AGAP1: variants seen among roughly 807,000 people sequenced by gnomAD.
AGAP1 encodes arf-GAP with GTPase, ANK repeat and PH domain-containing protein 1.
AGAP1 carries 29 observed loss-of-function variants against 105.3 expected under a neutral mutation model. The ratio of observed to expected loss-of-function variants is 0.28; its 90% confidence interval spans 0.21 to 0.38. The LOEUF is 0.38. Among genes scored for constraint, AGAP1 ranks in the 10% least tolerant of loss-of-function variants. The pLI is 1.00. For synonymous variants in AGAP1, 509 were observed against 485.9 expected (o/e 1.05, Z -0.63); for missense variants, 998 against 1,165.1 (o/e 0.86, Z 2.09).
At chr2:235,767,346 C>G (rs1450900507) in intron 6 of AGAP1, among the ~76,000 whole-genome samples, 1 of 152,214 alleles carries the variant, frequency 6.6e-6, no homozygotes, top group Non-Finnish European at 1.5e-5. Flanking sequence ...AGCCTTGAAT[C>G]GGGAGGCAGG....
chr2:235,520,004 A>G (rs1202740971), intron 1 of AGAP1, among the ~76,000 whole-genome samples: 1 of 152,094 alleles, frequency 6.6e-6, no homozygotes, highest in Non-Finnish European at 1.5e-5. Flanking sequence ...CTGGTTTCGA[A>G]CTACTGACCT....
intron 1 of AGAP1, among the ~76,000 whole-genome samples, chr2:235,565,984 A>G (rs1944333622): frequency 6.6e-6 from 1 of 152,230 alleles, no homozygotes; most frequent in Admixed American, 6.5e-5. Context: ...TTCATACAGA[A>G]AAGTGGAAAT....
At position 235,789,148 on chromosome 2, in the gene AGAP1, A is replaced by G. The variant is rs907274378; in HGVS notation, c.674-8611A>G. ...TACTTTATACCAGAATTGGATACAC[A>G]TATTAAAAATGTCAAATACACCATA... On this transcript the variant is annotated intron_variant, in intron 6 of 17. Coordinates refer to ENST00000304032, the MANE Select transcript of AGAP1 (RefSeq NM_001037131.3). The surrounding 1 kb of genome is among the most constrained non-coding windows in gnomAD (Gnocchi z 4.2). Among the ~76,000 whole-genome samples the G allele has an allele frequency of 1.3e-5, 2 of 152,234 alleles. No individual in the cohort carries two copies. The highest frequency in any genetic ancestry group is 4.8e-5 in the African/African-American group (2 of 41,456).
At position 236,038,549 on chromosome 2, in the gene AGAP1, G is replaced by A. The variant is rs180862004; in HGVS notation, c.1800+1834G>A. Among the ~76,000 whole-genome samples, 9 of 152,182 alleles carry A rather than the reference G, an allele frequency of 5.9e-5. No individual in the cohort carries two copies. The highest frequency in any genetic ancestry group is 3.8e-4 in the East Asian group (2 of 5,196). On this transcript the variant is annotated intron_variant, in intron 14 of 17. Transcript: ENST00000304032. The surrounding 1 kb of genome is among the most constrained non-coding windows in gnomAD (Gnocchi z 4.5). Reference sequence around the variant, plus strand: ...GGAATTGCTCCCTTGGGAGGAGGACGCGTTGAGCAACCAAAGGTGGCCGAC... The same window carrying A: ...GGAATTGCTCCCTTGGGAGGAGGACACGTTGAGCAACCAAAGGTGGCCGAC...
At position 235,596,187 on chromosome 2, in the gene AGAP1, A is replaced by G. The variant is rs1945520070; in HGVS notation, c.163+101338A>G. Among the ~76,000 whole-genome samples the G allele has an allele frequency of 6.6e-6, 1 of 152,232 alleles. No homozygotes were observed. The highest frequency in any genetic ancestry group is 2.4e-5 in the African/African-American group (1 of 41,472). Reference sequence around the variant, plus strand: ...TGGCACAGCTATCCATGAACACTGTAAACATTCCCAGCTCCATCTAAGGTG... The same window carrying G: ...TGGCACAGCTATCCATGAACACTGTGAACATTCCCAGCTCCATCTAAGGTG... On this transcript the variant is annotated intron_variant, in intron 1 of 17. Coordinates refer to ENST00000304032, the MANE Select transcript of AGAP1 (RefSeq NM_001037131.3). This position sits in a 1 kb window ranked among gnomAD's most constrained non-coding sequence, Gnocchi z 5.9.
intron 1 of AGAP1, among the ~76,000 whole-genome samples, chr2:235,704,962 CTTTTTTCTTTTT>C (rs1479718483): frequency 0.047 from 4,008 of 85,736 alleles, 720 homozygotes; most frequent in African/African-American, 0.16. Flanking sequence ...ATACAAGATG[CTTTTTTCTTTTT>C]TTTTTTTTTT....
At position 236,004,753 on chromosome 2, in the gene AGAP1, T is replaced by G. The variant is rs140688532; in HGVS notation, c.1646-31808T>G. Reference sequence around the variant, plus strand: ...CAGTTGGGGCAGCCTTTCGAGTTGTTAAGCAGTTTAGTAGCAAATGTGACA... The same window carrying G: ...CAGTTGGGGCAGCCTTTCGAGTTGTGAAGCAGTTTAGTAGCAAATGTGACA... On this transcript the variant is annotated intron_variant, in intron 13 of 17. Transcript: ENST00000304032. Among the ~76,000 whole-genome samples, 1,170 of 152,352 alleles carry G rather than the reference T, an allele frequency of 7.7e-3. 7 individuals carry two copies. Among genetic ancestry groups the G allele is most frequent in the South Asian group, 0.02 (95 of 4,828 alleles).
intron 9 of AGAP1, among the ~76,000 whole-genome samples, chr2:235,812,651 C>T (rs1026490074): frequency 3.3e-5 from 5 of 152,218 alleles, no homozygotes; most frequent in Admixed American, 1.3e-4. Context: ...GTGAAGACCA[C>T]GCTGAAACTT....
Position 236,014,659 on chromosome 2 carries a change from A to G in AGAP1, c.1646-21902A>G. 2.9e-6 allele frequency: 1 copy of G among 341,848 alleles called. No individual in the cohort carries two copies. The allele number at this position is 341,848 out of a possible 1,614,324, so 21.2% of individuals were successfully genotyped here. On this transcript the variant is annotated intron_variant, in intron 13 of 17. Coordinates refer to ENST00000304032, the MANE Select transcript of AGAP1 (RefSeq NM_001037131.3). This position sits in a 1 kb window ranked among gnomAD's most constrained non-coding sequence, Gnocchi z 6.3. Reference sequence around the variant, plus strand: ...TGGAGGGCTCAGCCCAGGGAGCTCCATGGCACCCACCCGCTTCGCGCAGAC... The same window carrying G: ...TGGAGGGCTCAGCCCAGGGAGCTCCGTGGCACCCACCCGCTTCGCGCAGAC...
intron 9 of AGAP1, among the ~76,000 whole-genome samples, chr2:235,863,782 C>T (rs563433393): frequency 3.2e-4 from 49 of 152,170 alleles, no homozygotes; most frequent in African/African-American, 1.2e-3. Flanking sequence ...CTGTGGGACA[C>T]CAGGTAGTGA....
rs1232304845 is a variant in AGAP1, at chr2:235,882,412, T to C, written c.1051-933T>C. On this transcript the variant is annotated intron_variant, in intron 9 of 17. Coordinates refer to ENST00000304032, the MANE Select transcript of AGAP1 (RefSeq NM_001037131.3). This position sits in a 1 kb window ranked among gnomAD's most constrained non-coding sequence, Gnocchi z 4.6. Reference sequence around the variant, plus strand: ...CCAGTGGTCTCTTTGGTCGGCAGGGTGTTCTTCTCCTGCGTCTCCGTTTTC... The same window carrying C: ...CCAGTGGTCTCTTTGGTCGGCAGGGCGTTCTTCTCCTGCGTCTCCGTTTTC... 1.3e-6 allele frequency: 2 copies of C among 1,582,434 alleles called. No individual in the cohort carries two copies. The highest frequency in any genetic ancestry group is 8.7e-7 in the Non-Finnish European group (1 of 1,155,814).
At chr2:235,897,762 A>ATG (rs2050876009) in intron 10 of AGAP1, among the ~76,000 whole-genome samples, 1 of 152,166 alleles carries the variant, frequency 6.6e-6, no homozygotes, top group Non-Finnish European at 1.5e-5. Flanking sequence ...GTCATGAGGA[A>ATG]TGTTCTTTTA....
intron 11 of AGAP1, among the ~76,000 whole-genome samples, chr2:235,912,838 A>G (rs1366821066): frequency 6.6e-6 from 1 of 152,246 alleles, no homozygotes; most frequent in Non-Finnish European, 1.5e-5. Flanking sequence ...GATGAGCGAT[A>G]AAAATGCCTC....
At chr2:235,607,583 C>T (rs751164670) in intron 1 of AGAP1, among the ~76,000 whole-genome samples, 6 of 152,208 alleles carry the variant, frequency 3.9e-5, no homozygotes, top group African/African-American at 7.2e-5. Context: ...CCTTTTTCAG[C>T]CTTTGCTTTG....
chr2:235,922,109 G>C (rs1467244244), intron 11 of AGAP1, among the ~76,000 whole-genome samples: 1 of 152,194 alleles, frequency 6.6e-6, no homozygotes, highest in Non-Finnish European at 1.5e-5. Context: ...CAACGGGCGT[G>C]GTGCAGCTGT....
At position 235,792,075 on chromosome 2, in the gene AGAP1, A is replaced by G. The variant is rs1418599613; in HGVS notation, c.674-5684A>G. Among the ~76,000 whole-genome samples the G allele has an allele frequency of 2.0e-5, 3 of 152,074 alleles. No homozygotes were observed. In the East Asian group the frequency reaches 5.8e-4, roughly 29 times the overall value. On this transcript the variant is annotated intron_variant, in intron 6 of 17. Coordinates refer to ENST00000304032, the MANE Select transcript of AGAP1 (RefSeq NM_001037131.3). The surrounding 1 kb of genome is among the most constrained non-coding windows in gnomAD (Gnocchi z 5.3). ...GGTTCGTACTTTATAATCCCTACCT[A>G]ACAGTGCTTACTCGGAATTGCTCCC... is the stretch of plus-strand genomic sequence containing the variant.
At chr2:236,098,980 C>G (rs931376190) in intron 16 of AGAP1, among the ~76,000 whole-genome samples, 4 of 151,726 alleles carry the variant, frequency 2.6e-5, no homozygotes, top group Non-Finnish European at 4.4e-5. Flanking sequence ...TCCTTACTTC[C>G]TAGAGATGTA....
chr2:235,746,987 G>T (rs1262643600), intron 5 of AGAP1, among the ~76,000 whole-genome samples: 1 of 152,204 alleles, frequency 6.6e-6, no homozygotes, highest in Non-Finnish European at 1.5e-5. Flanking sequence ...GTGACTGGCT[G>T]CTGGCTGGGT....
At chr2:236,088,853 A>G (rs1242496241) in intron 16 of AGAP1, among the ~76,000 whole-genome samples, 2 of 152,174 alleles carry the variant, frequency 1.3e-5, no homozygotes, top group East Asian at 1.9e-4. Flanking sequence ...GCACTGCAAT[A>G]CCTCATTCCT....
Sources: gnomAD v4.1 joint callset for allele counts (sites outside exome capture counted in the v4.1 genomes callset) on GRCh38, gnomAD v4.1.1 for gene constraint, Gnocchi (gnomAD v3.1) non-coding constraint, MANE v1.5 for transcripts, NCBI Gene and HGNC (gene_info 2026-07-23, HGNC 2026-07-21) for gene names.